Variants in GALNTL6 observed in about 807,000 individuals in gnomAD.
GALNTL6 encodes polypeptide N-acetylgalactosaminyltransferase like 6, also known as polypeptide N-acetylgalactosaminyltransferase-like 6.
In GALNTL6, 46 loss-of-function variants were observed where a neutral mutation model predicts 73.7. That is an observed-to-expected ratio of 0.62 (90% confidence interval 0.49 to 0.80). The LOEUF (loss-of-function observed/expected upper bound fraction) is 0.80. Ranked by LOEUF, GALNTL6 falls within the 30% of genes least tolerant of loss-of-function variation. The pLI, the probability that GALNTL6 is intolerant of heterozygous loss-of-function variation, is 0.00. For missense variants in GALNTL6, 604 were observed against 755.0 expected (o/e 0.80, Z 2.34); for synonymous variants, 259 against 263.7 (o/e 0.98, Z 0.17).
intron 5 of GALNTL6, among the ~76,000 whole-genome samples, chr4:172,521,679 G>A (rs763830038): frequency 2.0e-5 from 3 of 152,168 alleles, no homozygotes; most frequent in Non-Finnish European, 4.4e-5. Context: ...GATCAGATAG[G>A]AGAAAGTTCA....
chr4:172,914,437 A>C (rs1054925739), intron 8 of GALNTL6, among the ~76,000 whole-genome samples: 3 of 152,260 alleles, frequency 2.0e-5, no homozygotes, highest in Non-Finnish European at 2.9e-5. Flanking sequence ...TGCCCCAATT[A>C]AAAGACACAG....
intron 8 of GALNTL6, among the ~76,000 whole-genome samples, chr4:172,898,858 C>G (rs1031808556): frequency 2.0e-5 from 3 of 152,194 alleles, no homozygotes; most frequent in African/African-American, 7.2e-5. Context: ...CAGCCCGGCG[C>G]TGCATTCCAG....
intron 2 of GALNTL6, among the ~76,000 whole-genome samples, chr4:172,045,917 G>T (rs562856895): frequency 6.6e-6 from 1 of 152,122 alleles, no homozygotes; most frequent in African/African-American, 2.4e-5. Flanking sequence ...GATTGTTTTA[G>T]ATTGTTTAGA....
intron 2 of GALNTL6, among the ~76,000 whole-genome samples, chr4:172,144,865 C>G (rs72700955): frequency 0.021 from 3,183 of 152,154 alleles, 34 homozygotes; most frequent in Non-Finnish European, 0.031. Flanking sequence ...ATTCCAATTC[C>G]CTGTAAGAAT....
chr4:171,910,324 A>G (rs188667429), intron 2 of GALNTL6, among the ~76,000 whole-genome samples: 92 of 152,208 alleles, frequency 6.0e-4, no homozygotes, highest in African/African-American at 2.2e-3. Context: ...ACCACAGGGG[A>G]GAAACATGTC....
chr4:172,758,352 T>C (rs934849847), intron 5 of GALNTL6, among the ~76,000 whole-genome samples: 1 of 152,120 alleles, frequency 6.6e-6, no homozygotes, highest in Non-Finnish European at 1.5e-5. Context: ...CTGGCCAACA[T>C]GGCAAAACCC....
At chr4:171,986,403 C>G (rs2111088244) in intron 2 of GALNTL6, among the ~76,000 whole-genome samples, 1 of 152,238 alleles carries the variant, frequency 6.6e-6, no homozygotes, top group South Asian at 2.1e-4. Flanking sequence ...AACCCGCCAT[C>G]TGGATGTGTA....
chr4:171,964,420 G>A (rs1471117304), intron 2 of GALNTL6, among the ~76,000 whole-genome samples: 2 of 151,988 alleles, frequency 1.3e-5, no homozygotes, highest in Non-Finnish European at 2.9e-5. Flanking sequence ...CTTCCAGTTA[G>A]GTATAGACTA....
chr4:172,974,683 G>A (rs918538690), intron 10 of GALNTL6, among the ~76,000 whole-genome samples: 29 of 152,174 alleles, frequency 1.9e-4, no homozygotes, highest in African/African-American at 7.0e-4. Context: ...GTCTGCACTC[G>A]GTTCATCCTA....
At chr4:172,481,735 A>G (rs1282978969) in intron 5 of GALNTL6, among the ~76,000 whole-genome samples, 1 of 152,184 alleles carries the variant, frequency 6.6e-6, no homozygotes, top group Non-Finnish European at 1.5e-5. Flanking sequence ...TGAGCTAGAC[A>G]CAGAGTGCTG....
At chr4:172,604,425 T>C (rs1303124127) in intron 5 of GALNTL6, among the ~76,000 whole-genome samples, 2 of 152,148 alleles carry the variant, frequency 1.3e-5, no homozygotes, top group Non-Finnish European at 2.9e-5. Flanking sequence ...GCAAATAGAC[T>C]TGGTTAGGCT....
At chr4:171,905,339 G>T (rs1578958399) in intron 2 of GALNTL6, among the ~76,000 whole-genome samples, 1 of 152,222 alleles carries the variant, frequency 6.6e-6, no homozygotes. Flanking sequence ...GGCAGGGGTT[G>T]CAATCCTAGT....
intron 5 of GALNTL6, among the ~76,000 whole-genome samples, chr4:172,696,262 C>G (rs1733687145): frequency 6.6e-6 from 1 of 152,160 alleles, no homozygotes; most frequent in Non-Finnish European, 1.5e-5. Context: ...AACCATTGAG[C>G]TTGTCATGCT....
chr4:172,437,129 T>C (rs1340000633), intron 5 of GALNTL6, among the ~76,000 whole-genome samples: 1 of 152,256 alleles, frequency 6.6e-6, no homozygotes, highest in African/African-American at 2.4e-5. Context: ...TAACTCTCCA[T>C]GGAATCGTTA....
chr4:172,763,958 ATTTT>A (rs35078752), intron 5 of GALNTL6, among the ~76,000 whole-genome samples: 3 of 136,922 alleles, frequency 2.2e-5, no homozygotes, highest in Non-Finnish European at 4.7e-5. Context: ...AACAAGGTGT[ATTTT>A]TTTTTTTTTT....
At chr4:172,800,294 A>C (rs1740560316) in intron 5 of GALNTL6, among the ~76,000 whole-genome samples, 1 of 152,210 alleles carries the variant, frequency 6.6e-6, no homozygotes, top group African/African-American at 2.4e-5. Flanking sequence ...ACAAAGAAAA[A>C]CTGAATGGGT....
intron 9 of GALNTL6, among the ~76,000 whole-genome samples, chr4:172,951,058 G>C (rs1259208415): frequency 6.6e-6 from 1 of 152,164 alleles, no homozygotes; most frequent in Non-Finnish European, 1.5e-5. Context: ...TTTCCTAAAG[G>C]CCACAGAAGA....
intron 3 of GALNTL6, among the ~76,000 whole-genome samples, chr4:172,293,782 A>G (rs977365996): frequency 1.1e-4 from 16 of 151,550 alleles, no homozygotes; most frequent in African/African-American, 3.4e-4. Flanking sequence ...ACTGAAATAG[A>G]TTAAACACAA....
At chr4:172,207,960 G>A (rs1194896052) in intron 2 of GALNTL6, among the ~76,000 whole-genome samples, 1 of 152,150 alleles carries the variant, frequency 6.6e-6, no homozygotes, top group Non-Finnish European at 1.5e-5. Context: ...TTTGTTAAGA[G>A]TATTCTTCAG....
Sources: allele counts gnomAD v4.1 joint callset (sites outside exome capture counted in the v4.1 genomes callset), GRCh38; gene constraint gnomAD v4.1.1; transcripts MANE v1.5; gene names NCBI Gene and HGNC (gene_info 2026-07-23, HGNC 2026-07-21).